ZFHX3: variants seen among roughly 807,000 people sequenced by gnomAD.
ZFHX3 encodes zinc finger homeobox 3.
Under a neutral mutation model 279.1 loss-of-function variants are expected in ZFHX3, and 42 were observed. That is an observed-to-expected ratio of 0.15 (90% CI 0.12 to 0.19). ZFHX3 has a LOEUF of 0.19. Ranked by LOEUF, ZFHX3 falls within the 10% of genes least tolerant of loss-of-function variation. The pLI, the probability that ZFHX3 is intolerant of heterozygous loss-of-function variation, is 1.00. For synonymous variants in ZFHX3, 2,293 were observed against 1,957.8 expected (o/e 1.17, Z -4.52); for missense variants, 4,981 against 4,754.0 (o/e 1.05, Z -1.40).
At chr16:73,237,823 GGC>G (rs68043872) in intron 5 of ZFHX3, among the ~76,000 whole-genome samples, 2,687 of 152,202 alleles carry the variant, frequency 0.018, 83 homozygotes, top group African/African-American at 0.061. Context: ...AATTTCCACT[GGC>G]AAAGGCAGAA....
chr16:73,038,085 G>A (rs906308877), intron 1 of ZFHX3, among the ~76,000 whole-genome samples: 1 of 152,178 alleles, frequency 6.6e-6, no homozygotes, highest in African/African-American at 2.4e-5. Context: ...GGTCATCCCA[G>A]AGGGTCCTTC....
intron 3 of ZFHX3, among the ~76,000 whole-genome samples, chr16:72,905,816 T>G (rs142847191): frequency 6.6e-6 from 1 of 152,216 alleles, no homozygotes; most frequent in African/African-American, 2.4e-5. Flanking sequence ...TGAGTCAGAA[T>G]GAGGGGGACA....
At chr16:73,489,515 A>C (rs1284913576) in intron 2 of ZFHX3, among the ~76,000 whole-genome samples, 1 of 152,220 alleles carries the variant, frequency 6.6e-6, no homozygotes, top group Non-Finnish European at 1.5e-5. Context: ...AGCAATTAAC[A>C]TCATACACTC....
intron 4 of ZFHX3, among the ~76,000 whole-genome samples, chr16:73,304,594 C>A (rs1334616027): frequency 6.6e-6 from 1 of 152,158 alleles, no homozygotes; most frequent in Non-Finnish European, 1.5e-5. Flanking sequence ...CCTGTGTTGG[C>A]TGCTCTAGTG....
At chr16:73,621,968 G>C (rs997330730) in intron 2 of ZFHX3, among the ~76,000 whole-genome samples, 1 of 152,186 alleles carries the variant, frequency 6.6e-6, no homozygotes, top group Non-Finnish European at 1.5e-5. Context: ...CAGGAAACTG[G>C]AGAGATGGAC....
chr16:73,250,803 G>C (rs993409408), intron 5 of ZFHX3, among the ~76,000 whole-genome samples: 3 of 152,122 alleles, frequency 2.0e-5, no homozygotes, highest in African/African-American at 7.2e-5. Flanking sequence ...CAAAGTGCTG[G>C]GATTACAAGT....
chr16:73,349,686 C>T (rs1355021673), intron 3 of ZFHX3, among the ~76,000 whole-genome samples: 1 of 29,346 alleles, frequency 3.4e-5, no homozygotes, highest in African/African-American at 1.3e-4. Context: ...CCCTCTCTCC[C>T]TCTCCCTTCC....
intron 3 of ZFHX3, among the ~76,000 whole-genome samples, chr16:73,440,961 A>C (rs1444454210): frequency 6.6e-6 from 1 of 152,202 alleles, no homozygotes. Context: ...ACACTAAGTT[A>C]TTAGGGAAGA....
exon 1 of ZFHX3, chr16:73,058,965 C>T (rs1395496545): frequency 1.8e-5 from 3 of 170,802 alleles, no homozygotes; most frequent in South Asian, 1.3e-4. Flanking sequence ...GAGGAGGCGG[C>T]GGCGGTGGCG....
At chr16:73,867,478 T>C (rs1962055090) in intron 1 of ZFHX3, among the ~76,000 whole-genome samples, 1 of 152,176 alleles carries the variant, frequency 6.6e-6, no homozygotes, top group African/African-American at 2.4e-5. Flanking sequence ...TGACCTTCAC[T>C]TGGAGTCAAT....
intron 1 of ZFHX3, among the ~76,000 whole-genome samples, chr16:72,997,359 C>T (rs1963336373): frequency 6.6e-6 from 1 of 152,130 alleles, no homozygotes; most frequent in Non-Finnish European, 1.5e-5. Context: ...TTAAAGGTCC[C>T]ACAGTTGAGC....
chr16:73,509,966 G>C (rs921682018), intron 2 of ZFHX3, among the ~76,000 whole-genome samples: 1 of 152,162 alleles, frequency 6.6e-6, no homozygotes, highest in African/African-American at 2.4e-5. Flanking sequence ...AAAGTTCTGG[G>C]AGTACAGGCA....
At chr16:73,548,943 G>A (rs1054821805) in intron 2 of ZFHX3, among the ~76,000 whole-genome samples, 7 of 151,974 alleles carry the variant, frequency 4.6e-5, no homozygotes, top group African/African-American at 7.2e-5. Context: ...GAGTGGAGAC[G>A]GCTCTCAGCA....
chr16:73,696,817 C>T (rs983495397), intron 1 of ZFHX3, among the ~76,000 whole-genome samples: 2 of 152,152 alleles, frequency 1.3e-5, no homozygotes, highest in Admixed American at 1.3e-4. Context: ...CTTTAGTCTT[C>T]CCTGAGACTT....
intron 5 of ZFHX3, chr16:72,821,844 G>A (rs1405911502): frequency 2.0e-5 from 3 of 152,184 alleles, no homozygotes; most frequent in East Asian, 3.9e-4. Flanking sequence ...TGTTGCTATG[G>A]TTTCTTTTTT....
intron 4 of ZFHX3, among the ~76,000 whole-genome samples, chr16:73,296,963 T>C (rs1247189447): frequency 6.8e-6 from 1 of 147,058 alleles, no homozygotes; most frequent in Non-Finnish European, 1.5e-5. Context: ...ACTGCAACTC[T>C]GCCTCCCAGG....
At chr16:73,591,022 C>T (rs1036575590) in intron 2 of ZFHX3, among the ~76,000 whole-genome samples, 10 of 152,218 alleles carry the variant, frequency 6.6e-5, no homozygotes, top group African/African-American at 2.4e-4. Context: ...CCGCAAAATC[C>T]AAATCTTGGG....
At chr16:73,311,097 G>A (rs1169560836) in intron 4 of ZFHX3, among the ~76,000 whole-genome samples, 1 of 151,866 alleles carries the variant, frequency 6.6e-6, no homozygotes, top group Non-Finnish European at 1.5e-5. Flanking sequence ...GCCGGGCATG[G>A]TGGCAGGCGC....
intron 8 of ZFHX3, among the ~76,000 whole-genome samples, chr16:73,079,501 T>G (rs1193297218): frequency 6.6e-6 from 1 of 152,108 alleles, no homozygotes; most frequent in East Asian, 1.9e-4. Context: ...AAAAACCAAT[T>G]ATTTTTAATT....
Sources: allele counts gnomAD v4.1 joint callset (sites outside exome capture counted in the v4.1 genomes callset), GRCh38; gene constraint gnomAD v4.1.1; transcripts MANE v1.5; gene names NCBI Gene and HGNC (gene_info 2026-07-23, HGNC 2026-07-21).